GIGYF2: variants seen among roughly 807,000 people sequenced by gnomAD.
The protein encoded by GIGYF2 is GRB10 interacting GYF protein 2.
Under a neutral mutation model 208.1 loss-of-function variants are expected in GIGYF2, and 25 were observed. The observed-to-expected ratio is 0.12, with a 90% CI of 0.09 to 0.17. GIGYF2 has a LOEUF of 0.17. GIGYF2 is among the 10% of genes least tolerant of loss of function. GIGYF2 has a pLI of 1.00. For missense variants in GIGYF2, 1,302 were observed against 1,579.4 expected (o/e 0.82, Z 2.98); for synonymous variants, 534 against 543.8 (o/e 0.98, Z 0.25).
At position 232,777,620 on chromosome 2, in the gene GIGYF2, C is replaced by CCG. The variant is rs894330934; in HGVS notation, c.533-9529_533-9528insGC. On this transcript the variant is annotated intron_variant, in intron 8 of 28. Transcript: ENST00000373563. ...TTTGTAGAATCCTCTCCGTCCCCCC[C>CCG]CCGCCCCACAATTTAAAAAATATAT... is the stretch of plus-strand genomic sequence containing the variant. Among the ~76,000 whole-genome samples the CCG allele has an allele frequency of 3.5e-5, 5 of 144,748 alleles. 1 individual carries two copies. The highest frequency in any genetic ancestry group is 1.3e-4 in the African/African-American group (5 of 38,254). 95.0% of individuals were successfully genotyped at this position (144,748 alleles called of 152,430 possible).
intron 8 of GIGYF2, among the ~76,000 whole-genome samples, chr2:232,762,009 A>C (rs929356601): frequency 6.6e-6 from 1 of 151,692 alleles, no homozygotes; most frequent in Non-Finnish European, 1.5e-5. Context: ...TAAATACATA[A>C]TTTATATTTA....
At chr2:232,847,171 T>C (rs767943466) in intron 26 of GIGYF2, among the ~76,000 whole-genome samples, 177 bp from the exon 27 acceptor site, 1 of 152,250 alleles carries the variant, frequency 6.6e-6, no homozygotes, top group Non-Finnish European at 1.5e-5. Flanking sequence ...ATAGTGTTTT[T>C]TTCATTTCTA....
chr2:232,856,776 C>A lies in GIGYF2; in HGVS notation c.3833-17C>A. 1.3e-6 allele frequency: 2 copies of A among 1,591,014 alleles called. No homozygotes were observed. Among genetic ancestry groups the A allele is most frequent in the Non-Finnish European group, 1.7e-6 (2 of 1,158,914 alleles). On this transcript the variant is annotated splice_polypyrimidine_tract_variant and intron_variant, in intron 28 of 28. Transcript: ENST00000373563. ...TTGCCTGGGTGTGGTCACTCATAGC[C>A]AGTTTTTTTTCTGCAGGATTTTCAG...
intron 14 of GIGYF2, among the ~76,000 whole-genome samples, chr2:232,800,319 A>G (rs1210491506): frequency 6.6e-6 from 1 of 152,164 alleles, no homozygotes; most frequent in Non-Finnish European, 1.5e-5. Context: ...TTAGGCAAGA[A>G]TCCAATTTCA....
chr2:232,791,559 A>T, intron 12 of GIGYF2, 113 bp downstream of exon 12: 1 of 858,466 alleles, frequency 1.2e-6, no homozygotes, highest in Non-Finnish European at 1.9e-6. Context: ...TGGGTGAATT[A>T]TCGGAATAGA....
At chr2:232,826,636 C>T (rs1165388141) in intron 21 of GIGYF2, among the ~76,000 whole-genome samples, 1 of 152,164 alleles carries the variant, frequency 6.6e-6, no homozygotes, top group East Asian at 1.9e-4. Flanking sequence ...ATCTACCCAT[C>T]TGACAAAGGG....
intron 27 of GIGYF2, among the ~76,000 whole-genome samples, chr2:232,849,286 TC>T (rs1490124446): frequency 1.3e-5 from 2 of 152,014 alleles, no homozygotes; most frequent in African/African-American, 4.8e-5. Flanking sequence ...TTCCTCAGAC[TC>T]CCGAGTAGCT....
At position 232,732,977 on chromosome 2, in the gene GIGYF2, C is replaced by T. The variant is rs371263219; in HGVS notation, c.-43-2178C>T. The stretch of plus-strand genomic sequence containing the variant: ...AGTTGTTTTAAGAGATGAGGAGGGG[C>T]GGGGCGCAGTGGCTCACGCCTGTAA... On this transcript the variant is annotated intron_variant, in intron 2 of 28. Transcript: ENST00000373563. Among the ~76,000 whole-genome samples, 39 of 150,814 alleles carry T rather than the reference C, an allele frequency of 2.6e-4. 2 individuals carry two copies. The highest frequency in any genetic ancestry group is 8.5e-4 in the African/African-American group (35 of 41,164).
intron 3 of GIGYF2, chr2:232,736,554 T>C (rs1189048261): frequency 3.3e-5 from 5 of 152,218 alleles, no homozygotes; most frequent in African/African-American, 9.6e-5. Flanking sequence ...AATGGTTGCA[T>C]TGTATGGATG....
intron 3 of GIGYF2, among the ~76,000 whole-genome samples, chr2:232,744,107 A>C (rs752797750): frequency 6.6e-6 from 1 of 152,092 alleles, no homozygotes; most frequent in African/African-American, 2.4e-5. Context: ...CAACCTCCCA[A>C]AGTGCTGGGA....
rs1354915435 is a variant in GIGYF2 at position 232,761,381 on chromosome 2, T to C, written c.492-15T>C. On this transcript the variant is annotated splice_polypyrimidine_tract_variant and intron_variant, in intron 7 of 28. Coordinates refer to ENST00000373563, the MANE Select transcript of GIGYF2 (RefSeq NM_001103146.3). ...ACTGTGAGACTTTGTTTGAAACTTA[T>C]TTTTTCTTTTCCAGGGGTGACAGAC... 3 of 1,589,384 alleles carry C rather than the reference T, an allele frequency of 1.9e-6. No individual in the cohort carries two copies. Among genetic ancestry groups the C allele is most frequent in the African/African-American group, 2.7e-5 (2 of 74,424 alleles).
intron 21 of GIGYF2, among the ~76,000 whole-genome samples, chr2:232,824,078 A>G (rs1423699401): frequency 1.3e-5 from 2 of 152,106 alleles, no homozygotes; most frequent in African/African-American, 4.8e-5. Flanking sequence ...ATCCATACCT[A>G]TAGTGCATGT....
chr2:232,788,469 A>T (rs1038586096), intron 9 of GIGYF2: 27 of 420,090 alleles, frequency 6.4e-5, no homozygotes, highest in African/African-American at 4.9e-4. Flanking sequence ...ACTGCATTTT[A>T]TGCTGAGCTT....
chr2:232,827,685 T>C (rs1333622703), intron 21 of GIGYF2, among the ~76,000 whole-genome samples: 1 of 152,228 alleles, frequency 6.6e-6, no homozygotes, highest in African/African-American at 2.4e-5. Context: ...TATCTTTTCG[T>C]TGATTCCTGC....
chr2:232,784,528 C>G (rs1156702779), intron 8 of GIGYF2, among the ~76,000 whole-genome samples: 1 of 147,638 alleles, frequency 6.8e-6, no homozygotes, highest in Non-Finnish European at 1.5e-5. Flanking sequence ...TAGCTTGGGA[C>G]TACAGGCGCC....
In GIGYF2 at chr2:232,750,269, C is replaced by T. The variant is rs545370473; in HGVS notation, c.267+1187C>T. 3.9e-5 allele frequency among the ~76,000 whole-genome samples: 6 copies of T among 152,088 alleles called. No homozygotes were observed. In the South Asian group the frequency reaches 1.2e-3, roughly 32 times the overall value. ...GGTACAAAAATGCAGAAGTGTGATACACAGAGGAAAATGCACCTTGGACAT... is the reference window on the plus strand; with the variant it reads ...GGTACAAAAATGCAGAAGTGTGATATACAGAGGAAAATGCACCTTGGACAT... On this transcript the variant is annotated intron_variant, in intron 5 of 28. Coordinates refer to ENST00000373563, the MANE Select transcript of GIGYF2 (RefSeq NM_001103146.3).
intron 4 of GIGYF2, 96 bp from the exon 5 acceptor site, chr2:232,748,891 T>G: frequency 1.3e-6 from 1 of 762,910 alleles, no homozygotes; most frequent in Non-Finnish European, 2.4e-6. Context: ...TAATCAACAA[T>G]AAATAGAAGA....
intron 2 of GIGYF2, among the ~76,000 whole-genome samples, chr2:232,724,389 A>C (rs1697098472): frequency 6.6e-6 from 1 of 151,696 alleles, no homozygotes; most frequent in African/African-American, 2.4e-5. Flanking sequence ...AGTTGACTGC[A>C]TTTGTGGTCT....
chr2:232,821,143 AAC>A (rs751450264), intron 21 of GIGYF2, among the ~76,000 whole-genome samples: 5 of 151,934 alleles, frequency 3.3e-5, no homozygotes, highest in African/African-American at 4.8e-5. Flanking sequence ...TGTTCTTTGA[AAC>A]ACGTAAATTT....
Sources: allele counts gnomAD v4.1 joint callset (sites outside exome capture counted in the v4.1 genomes callset), GRCh38; gene constraint gnomAD v4.1.1; transcripts MANE v1.5; gene names NCBI Gene and HGNC (gene_info 2026-07-23, HGNC 2026-07-21).